WLS: variants seen among roughly 807,000 people sequenced by gnomAD.
WLS encodes protein wntless homolog.
A neutral mutation model predicts 62.8 loss-of-function variants in WLS; 23 were observed. That is an observed-to-expected ratio of 0.37 (90% CI 0.26 to 0.52). WLS has a LOEUF of 0.52. WLS is among the 20% of genes least tolerant of loss of function. The probability of loss-of-function intolerance (pLI) is 0.92; values close to 1 mark genes in which losing one functional copy is unlikely to be tolerated. For missense variants in WLS, 615 were observed against 697.3 expected, an observed-to-expected ratio of 0.88 and a Z score of 1.33; for synonymous variants, 246 against 244.1, an observed-to-expected ratio of 1.01 and a Z score of -0.07.
intron 1 of WLS, chr1:68,228,332 C>A: frequency 2.7e-6 from 1 of 370,036 alleles, no homozygotes; most frequent in Non-Finnish European, 5.3e-6. Context: ...GAGCTGAGAA[C>A]AGTGACCTGC....
intron 11 of WLS, among the ~76,000 whole-genome samples, chr1:68,110,316 A>T (rs949523964): frequency 2.6e-5 from 4 of 152,238 alleles, no homozygotes; most frequent in African/African-American, 9.6e-5. Flanking sequence ...ATTGGAAACA[A>T]TTTAAAATGC....
intron 1 of WLS, among the ~76,000 whole-genome samples, chr1:68,200,885 T>C (rs1394916367): frequency 2.0e-5 from 3 of 152,012 alleles, no homozygotes; most frequent in Admixed American, 6.6e-5. Flanking sequence ...AATTGCAGAG[T>C]GTGCTTTGGA....
At chr1:68,109,534 G>A (rs1024669005) in intron 11 of WLS, among the ~76,000 whole-genome samples, 4 of 152,180 alleles carry the variant, frequency 2.6e-5, no homozygotes, top group African/African-American at 7.2e-5. Flanking sequence ...CACAGAAATA[G>A]GCATGCAATG....
chr1:68,180,791 C>A (rs1277392782), intron 2 of WLS, among the ~76,000 whole-genome samples: 1 of 152,282 alleles, frequency 6.6e-6, no homozygotes, highest in South Asian at 2.1e-4. Context: ...ACCCCCACAA[C>A]CTGGTGTTGG....
At chr1:68,212,022 A>T (rs1268172618) in intron 1 of WLS, among the ~76,000 whole-genome samples, 1 of 152,178 alleles carries the variant, frequency 6.6e-6, no homozygotes, top group East Asian at 1.9e-4. Context: ...ATGATTAACG[A>T]AGTACCCTTT....
chr1:68,137,759 T>C, intron 11 of WLS, 21 bp downstream of exon 11: 1 of 1,612,422 alleles, frequency 6.2e-7, no homozygotes, highest in Non-Finnish European at 8.5e-7. Flanking sequence ...CTTAAGCTGT[T>C]CTAAAGAGAC....
chr1:68,165,216 G>A (rs1647043134), intron 2 of WLS, among the ~76,000 whole-genome samples: 2 of 152,112 alleles, frequency 1.3e-5, no homozygotes, highest in Non-Finnish European at 1.5e-5. Context: ...GTTCTCCTTG[G>A]AGCCATAGGG....
intron 1 of WLS, among the ~76,000 whole-genome samples, chr1:68,198,101 A>G (rs909431198): frequency 9.9e-5 from 15 of 152,164 alleles, no homozygotes; most frequent in African/African-American, 3.6e-4. Flanking sequence ...CTCAGCACAC[A>G]TTATAAATGT....
rs142293338 is a variant in WLS, at chr1:68,218,845, T to C, written c.106+13349A>G. 6.6e-5 allele frequency among the ~76,000 whole-genome samples: 10 copies of C among 152,352 alleles called. No individual in the cohort carries two copies. In the East Asian group the frequency reaches 1.2e-3, roughly 18 times the overall value. ...CAGAGGTAGTTACTTGAATGAACTATATTTTCCTGTCAAGGGCATTTATAA... is the reference window on the plus strand; with the variant it reads ...CAGAGGTAGTTACTTGAATGAACTACATTTTCCTGTCAAGGGCATTTATAA... On this transcript the variant is annotated intron_variant, in intron 1 of 11. Coordinates refer to ENST00000262348, the MANE Select transcript of WLS (RefSeq NM_024911.7).
chr1:68,129,153 GTC>G (rs754182861), intron 11 of WLS, among the ~76,000 whole-genome samples: 1 of 152,188 alleles, frequency 6.6e-6, no homozygotes, highest in Admixed American at 6.5e-5. Context: ...GCAAAACCCT[GTC>G]TCTACTAAAA....
At chr1:68,133,467 G>T (rs1646561048) in intron 11 of WLS, among the ~76,000 whole-genome samples, 1 of 152,090 alleles carries the variant, frequency 6.6e-6, no homozygotes, top group Non-Finnish European at 1.5e-5. Flanking sequence ...TGAGAGCAAG[G>T]ACTATGTCTC....
At chr1:68,162,461 G>A (rs933361514) in intron 2 of WLS, 16 of 1,613,706 alleles carry the variant, frequency 9.9e-6, no homozygotes, top group Admixed American at 8.3e-5. Context: ...TGCAAGTAGG[G>A]GTCATAAAAT....
At chr1:68,155,548 T>C (rs1238328828) in intron 3 of WLS, among the ~76,000 whole-genome samples, 5 of 152,234 alleles carry the variant, frequency 3.3e-5, no homozygotes, top group Non-Finnish European at 7.3e-5. Context: ...AACACCTTTC[T>C]AGGCTGTTTA....
intron 1 of WLS, among the ~76,000 whole-genome samples, chr1:68,216,534 C>A (rs1453050682): frequency 6.6e-6 from 1 of 152,238 alleles, no homozygotes. Flanking sequence ...GTCCTTTTCC[C>A]TGCAGTCATT....
chr1:68,232,303 T>G lies in WLS; in HGVS notation c.-4A>C. On this transcript the variant is annotated 5_prime_UTR_variant, in exon 1 of 12. Coordinates refer to ENST00000262348, the MANE Select transcript of WLS (RefSeq NM_024911.7). ...TTTCTATAATTGCCCCAGCCATTTT[T>G]GCGCCCCCCCTTTTTCTTTTCTCCT... 6.2e-7 allele frequency: 1 copy of G among 1,613,618 alleles called. No homozygotes were observed. The highest frequency in any genetic ancestry group is 1.1e-5 in the South Asian group (1 of 90,966).
Position 68,172,311 on chromosome 1 carries a change from T to TAA in WLS, c.380-13066_380-13065dup, listed in dbSNP as rs1553131588. ...TGTATCCCAGAACTTAAAGTATAAT[T>TAA]AAAAAAAAAAAATACTCAGAGAAGT... is the stretch of plus-strand genomic sequence containing the variant. On this transcript the variant is annotated intron_variant, in intron 2 of 11. Transcript: ENST00000262348. 4.8e-3 allele frequency among the ~76,000 whole-genome samples: 718 copies of TAA among 148,158 alleles called. 5 individuals are homozygous for TAA. The highest frequency in any genetic ancestry group is 0.015 in the African/African-American group (620 of 40,070).
intron 1 of WLS, among the ~76,000 whole-genome samples, chr1:68,215,777 G>A (rs1649702092): frequency 6.6e-6 from 1 of 152,108 alleles, no homozygotes; most frequent in African/African-American, 2.4e-5. Flanking sequence ...TTATTAGCAT[G>A]GCTTAAATAA....
At chr1:68,195,781 A>G (rs1237618499) in intron 1 of WLS, among the ~76,000 whole-genome samples, 1 of 152,064 alleles carries the variant, frequency 6.6e-6, no homozygotes, top group African/African-American at 2.4e-5. Flanking sequence ...ATAGTCATCT[A>G]TATTGACTTC....
intron 11 of WLS, among the ~76,000 whole-genome samples, chr1:68,103,714 G>A (rs1052446797): frequency 6.6e-6 from 1 of 152,184 alleles, no homozygotes; most frequent in Admixed American, 6.5e-5. Flanking sequence ...AAGCATAGGA[G>A]CACAGAGTCG....
Sources: allele counts gnomAD v4.1 joint callset (sites outside exome capture counted in the v4.1 genomes callset), GRCh38; gene constraint gnomAD v4.1.1; transcripts MANE v1.5; gene names NCBI Gene and HGNC (gene_info 2026-07-23, HGNC 2026-07-21).